Variants in TMEM192 observed in about 807,000 individuals in gnomAD.
TMEM192 encodes transmembrane protein 192.
TMEM192 carries 20 observed loss-of-function variants against 26.7 expected under a neutral mutation model. The observed-to-expected ratio is 0.75, with a 90% CI of 0.53 to 1.09. TMEM192 has a LOEUF of 1.09. Among genes scored for constraint, TMEM192 ranks in the 50% least tolerant of loss-of-function variants. TMEM192 has a pLI of 0.00. For missense variants in TMEM192, 304 were observed against 322.6 expected (o/e 0.94, Z 0.44); for synonymous variants, 124 against 121.0 (o/e 1.02, Z -0.16).
rs1470212734 is a variant in TMEM192, at chr4:165,077,154, T to C, written c.*2504A>G. 1 of 152,248 alleles carries C rather than the reference T, an allele frequency of 6.6e-6. No individual in the cohort carries two copies. The highest frequency in any genetic ancestry group is 2.4e-5 in the African/African-American group (1 of 41,476). 9.4% of individuals were successfully genotyped at this position (152,248 alleles called of 1,614,324 possible). ...TTTCATTTATTGTTTGAAATGTTCATCATTGCATTCAGAAAAATGTTGATG... is the reference window on the plus strand; with the variant it reads ...TTTCATTTATTGTTTGAAATGTTCACCATTGCATTCAGAAAAATGTTGATG... On this transcript the variant is annotated 3_prime_UTR_variant, in exon 6 of 6. Transcript: ENST00000306480.
intron 3 of TMEM192, among the ~76,000 whole-genome samples, chr4:165,094,417 A>G (rs1349904244): frequency 6.6e-6 from 1 of 152,184 alleles, no homozygotes; most frequent in Non-Finnish European, 1.5e-5. Context: ...ACCGTTTTAA[A>G]GATTCTAGGC....
chr4:165,089,429 C>T lies in TMEM192; in HGVS notation c.440-827G>A, dbSNP rs1734701930. On this transcript the variant is annotated intron_variant, in intron 3 of 5. Transcript: ENST00000306480. ...TCCACCTCCCAGGTTTCACGCCATT[C>T]TCCTGCCTCAGCCTCCCGAGTAGCT... is the stretch of plus-strand genomic sequence containing the variant. Among the ~76,000 whole-genome samples the T allele has an allele frequency of 2.0e-5, 3 of 152,272 alleles. No homozygotes were observed. In the South Asian group the frequency reaches 6.2e-4, roughly 32 times the overall value.
chr4:165,102,783 A>AC (rs1413742224), intron 2 of TMEM192, among the ~76,000 whole-genome samples, 167 bp downstream of exon 2: 5 of 99,158 alleles, frequency 5.0e-5, no homozygotes, highest in Non-Finnish European at 9.8e-5. Context: ...AAGTGTACGT[A>AC]CTTTTTTTTT....
rs1022168140 is a variant in TMEM192, at chr4:165,076,676, C to T, written c.*2982G>A. 4.6e-5 allele frequency: 7 copies of T among 152,350 alleles called. No individual in the cohort carries two copies. Among genetic ancestry groups the T allele is most frequent in the African/African-American group, 7.2e-5 (3 of 41,584 alleles). The allele number at this position is 152,350 out of a possible 1,614,324, so 9.4% of individuals were successfully genotyped here. A position where few individuals can be genotyped will look rare whatever the true frequency, so the allele number is the denominator to read the frequency against. ...GCACAGAGTCTGGAAATCTATTCCT[C>T]GCTCTCTTTAGAATGTAAGCTGCCA... On this transcript the variant is annotated 3_prime_UTR_variant, in exon 6 of 6. Transcript: ENST00000306480.
At chr4:165,097,922 G>A (rs1370816727) in intron 3 of TMEM192, among the ~76,000 whole-genome samples, 1 of 151,824 alleles carries the variant, frequency 6.6e-6, no homozygotes, top group Non-Finnish European at 1.5e-5. Context: ...TGATCTCCCG[G>A]GTTCAAGCGA....
At chr4:165,093,895 ATTTGT>A (rs1734830702) in intron 3 of TMEM192, among the ~76,000 whole-genome samples, 3 of 150,472 alleles carry the variant, frequency 2.0e-5, no homozygotes, top group East Asian at 2.0e-4. Flanking sequence ...TAATTTTTGT[ATTTGT>A]TTTGTTTTGT....
At chr4:165,102,728 T>C (rs1282322789) in intron 2 of TMEM192, among the ~76,000 whole-genome samples, 1 of 151,990 alleles carries the variant, frequency 6.6e-6, no homozygotes, top group Admixed American at 6.6e-5. Flanking sequence ...TATCTTTACA[T>C]GTGTGCAAAT....
chr4:165,079,667 A>C lies in TMEM192; in HGVS notation c.807T>G (p.Ser269Arg), dbSNP rs1364462909. ...CATGACCGTGAGCCTCTCACGTTCT[A>C]CTTGGCTGACAGCCCAGGTCTGAGG... is the stretch of plus-strand genomic sequence containing the variant. ...LTSSDLGCQPSRT is the reference protein window; with the variant it reads ...LTSSDLGCQPRRT Residue 269 changes from serine (S) to arginine (R), a missense_variant, in exon 6 of 6, where the codon AGT becomes AGG. By Grantham distance (110) the Ser-to-Arg change is moderately radical. Coordinates refer to ENST00000306480, the MANE Select transcript of TMEM192 (RefSeq NM_001100389.2). 1 of 1,610,672 alleles carries C rather than the reference A, an allele frequency of 6.2e-7. No individual in the cohort carries two copies. The highest frequency in any genetic ancestry group is 8.5e-7 in the Non-Finnish European group (1 of 1,178,410).
chr4:165,092,994 C>T (rs770432455), intron 3 of TMEM192, among the ~76,000 whole-genome samples: 1 of 151,500 alleles, frequency 6.6e-6, no homozygotes, highest in Non-Finnish European at 1.5e-5. Flanking sequence ...TCTAGCAAGC[C>T]CACTCACCCA....
intron 5 of TMEM192, among the ~76,000 whole-genome samples, chr4:165,084,805 T>A (rs1403182140): frequency 6.6e-6 from 1 of 151,674 alleles, no homozygotes; most frequent in East Asian, 2.0e-4. Context: ...AGCCCCAAGA[T>A]CTCCAACAGA....
At chr4:165,102,570 T>C (rs934147718) in intron 2 of TMEM192, among the ~76,000 whole-genome samples, 1 of 152,164 alleles carries the variant, frequency 6.6e-6, no homozygotes, top group Non-Finnish European at 1.5e-5. Flanking sequence ...CTATTCTATG[T>C]TAATATACTG....
chr4:165,089,565 G>A lies in TMEM192; in HGVS notation c.440-963C>T, dbSNP rs985100496. 5.3e-5 allele frequency among the ~76,000 whole-genome samples: 8 copies of A among 151,996 alleles called. 1 individual carries two copies. The highest frequency in any genetic ancestry group is 1.4e-4 in the African/African-American group (6 of 41,390). On this transcript the variant is annotated intron_variant, in intron 3 of 5. Transcript: ENST00000306480. Reference sequence around the variant, plus strand: ...GTCTTGATCTCCTGACCTCGTGATCGGCCCGCCTCGGCCTCCCAAAGTGCT... The same window carrying A: ...GTCTTGATCTCCTGACCTCGTGATCAGCCCGCCTCGGCCTCCCAAAGTGCT...
chr4:165,103,883 G>T (rs1735104983), intron 1 of TMEM192, among the ~76,000 whole-genome samples: 1 of 152,098 alleles, frequency 6.6e-6, no homozygotes, highest in South Asian at 2.1e-4. Flanking sequence ...GGCCATGCTG[G>T]TCTCAAACTC....
At position 165,099,763 on chromosome 4, in the gene TMEM192, G is replaced by A. The variant is rs117657286; in HGVS notation, c.439+865C>T. Among the ~76,000 whole-genome samples, 7 of 152,180 alleles carry A rather than the reference G, an allele frequency of 4.6e-5. No individual in the cohort carries two copies. In the East Asian group the frequency reaches 1.2e-3, roughly 25 times the overall value. On this transcript the variant is annotated intron_variant, in intron 3 of 5. Transcript: ENST00000306480. ...TTCCAGTGACCAACCTGGGCAACAT[G>A]GTGAGAACCTGCTTCTACATAAAAT...
In TMEM192 at chr4:165,076,167, C is replaced by T. The variant is rs1734376858; in HGVS notation, c.*3491G>A. The T allele has an allele frequency of 6.6e-6, 1 of 152,126 alleles. No homozygotes were observed. The highest frequency in any genetic ancestry group is 1.5e-5 in the Non-Finnish European group (1 of 68,044). The allele number at this position is 152,126 out of a possible 1,614,324, so 9.4% of individuals were successfully genotyped here. On this transcript the variant is annotated 3_prime_UTR_variant, in exon 6 of 6. Transcript: ENST00000306480. ...TTTAACTTTATAATAAGTCATGATA[C>T]TGTTGTCATTTGGAATACATATACA... is the stretch of plus-strand genomic sequence containing the variant.
chr4:165,086,881 A>G (rs148399712), intron 4 of TMEM192, among the ~76,000 whole-genome samples: 6,084 of 152,170 alleles, frequency 0.04, 152 homozygotes, highest in Middle Eastern at 0.15. Context: ...TGGGAGGCCG[A>G]GGCGGATAGA....
rs1734345803 is a variant in TMEM192, at chr4:165,075,159, C to T, written c.*4499G>A. On this transcript the variant is annotated 3_prime_UTR_variant, in exon 6 of 6. Transcript: ENST00000306480. ...TTTTGGGAGGCCAAAGCAGGTGGAT[C>T]ACCTGAGGTAAGGAATTCAAGATCA... 2 of 152,088 alleles carry T rather than the reference C, an allele frequency of 1.3e-5. No individual in the cohort carries two copies. Among genetic ancestry groups the T allele is most frequent in the African/African-American group, 4.8e-5 (2 of 41,414 alleles). The allele number at this position is 152,088 out of a possible 1,614,324, so 9.4% of individuals were successfully genotyped here.
At chr4:165,086,037 A>G (rs967393704) in intron 4 of TMEM192, among the ~76,000 whole-genome samples, 2 of 152,190 alleles carry the variant, frequency 1.3e-5, no homozygotes, top group African/African-American at 4.8e-5. Context: ...TTCAGAAATC[A>G]TGACTTCCTC....
chr4:165,072,892 C>T lies in TMEM192; in HGVS notation c.*6766G>A, dbSNP rs1415912446. On this transcript the variant is annotated 3_prime_UTR_variant, in exon 6 of 6. Coordinates refer to ENST00000306480, the MANE Select transcript of TMEM192 (RefSeq NM_001100389.2). ...AGGGAGGAAGGCCTGGCTGAAGATT[C>T]ACATTTGGAAATTATCAGCTCATAA... is the stretch of plus-strand genomic sequence containing the variant. The T allele has an allele frequency of 1.3e-5, 2 of 151,954 alleles. No individual in the cohort carries two copies. The highest frequency in any genetic ancestry group is 2.9e-5 in the Non-Finnish European group (2 of 68,080). 9.4% of individuals were successfully genotyped at this position (151,954 alleles called of 1,614,324 possible). A position where few individuals can be genotyped will look rare whatever the true frequency, so the allele number is the denominator to read the frequency against.
Sources: allele counts gnomAD v4.1 joint callset (sites outside exome capture counted in the v4.1 genomes callset), GRCh38; gene constraint gnomAD v4.1.1; transcripts MANE v1.5; gene names NCBI Gene and HGNC (gene_info 2026-07-23, HGNC 2026-07-21).